The following TRPC5 variants were observed in gnomAD, a reference collection of about 807,000 sequenced individuals.
TRPC5 encodes the protein transient receptor potential cation channel subfamily C member 5, also known as short transient receptor potential channel 5.
TRPC5 carries 9 observed loss-of-function variants against 56.5 expected under a neutral mutation model. That is an observed-to-expected ratio of 0.16 (90% CI 0.10 to 0.28). TRPC5 has a LOEUF of 0.28. TRPC5 is among the 10% of genes least tolerant of loss of function. TRPC5 has a pLI of 1.00. For missense variants in TRPC5, 469 were observed against 748.9 expected, an observed-to-expected ratio of 0.63 and a Z score of 4.36; for synonymous variants, 282 against 278.5, an observed-to-expected ratio of 1.01 and a Z score of -0.13.
chrX:111,867,278 A>G (rs1001830670), intron 3 of TRPC5, among the ~76,000 whole-genome samples: 2 of 112,080 alleles, frequency 1.8e-5, no homozygotes, highest in Non-Finnish European at 1.9e-5. Flanking sequence ...AAAGGACAGA[A>G]TAAAGGACAG....
intron 1 of TRPC5, among the ~76,000 whole-genome samples, chrX:112,041,884 G>A (rs1185275300): frequency 1.8e-5 from 2 of 111,419 alleles, no homozygotes; most frequent in Non-Finnish European, 1.9e-5. Context: ...TATGAACGTG[G>A]CTCCTCTTAT....
intron 1 of TRPC5, among the ~76,000 whole-genome samples, chrX:111,955,708 T>C (rs1464770546): frequency 2.7e-5 from 3 of 111,824 alleles, no homozygotes; most frequent in African/African-American, 9.8e-5. Context: ...ATCCTTTCTC[T>C]GCATGCTTGC....
At chrX:112,001,362 T>C (rs779107483) in intron 1 of TRPC5, among the ~76,000 whole-genome samples, 1 of 112,301 alleles carries the variant, frequency 8.9e-6, no homozygotes, top group African/African-American at 3.2e-5. Context: ...GGTAATACCA[T>C]ACACACATAC....
At chrX:111,868,177 CA>C (rs1569526870) in intron 3 of TRPC5, among the ~76,000 whole-genome samples, 1 of 111,006 alleles carries the variant, frequency 9.0e-6, no homozygotes, top group African/African-American at 3.3e-5. Flanking sequence ...CTTGAGGAGG[CA>C]ATGAAAAAAA....
At chrX:111,811,598 G>T (rs369242082) in intron 7 of TRPC5, among the ~76,000 whole-genome samples, 1 of 111,518 alleles carries the variant, frequency 9.0e-6, no homozygotes, top group Admixed American at 9.5e-5. Context: ...GAGGTTTTGG[G>T]GGGGAGTCAA....
chrX:111,998,108 G>T (rs1435155231), intron 1 of TRPC5, among the ~76,000 whole-genome samples: 1 of 111,105 alleles, frequency 9.0e-6, no homozygotes, highest in African/African-American at 3.3e-5. Context: ...TTCTGCTCTG[G>T]TCTCTCCCCA....
intron 5 of TRPC5, among the ~76,000 whole-genome samples, chrX:111,848,081 T>C (rs1476252748): frequency 3.6e-5 from 4 of 111,814 alleles, no homozygotes; most frequent in Non-Finnish European, 7.5e-5. Context: ...ACCTTTCAGG[T>C]AATGAATTTA....
At chrX:112,046,900 A>T (rs759398839) in intron 1 of TRPC5, among the ~76,000 whole-genome samples, 1 of 111,215 alleles carries the variant, frequency 9.0e-6, no homozygotes, top group African/African-American at 3.3e-5. Flanking sequence ...TGTCTCACTT[A>T]TCCTGACCAC....
chrX:111,791,920 C>G (rs978640524), intron 7 of TRPC5, among the ~76,000 whole-genome samples: 2 of 112,045 alleles, frequency 1.8e-5, no homozygotes, highest in African/African-American at 6.5e-5. Context: ...GGATCTAGAA[C>G]CAGAAATACC....
intron 1 of TRPC5, among the ~76,000 whole-genome samples, chrX:111,992,825 ACTC>A (rs1186556271): frequency 9.3e-6 from 1 of 107,856 alleles, no homozygotes; most frequent in African/African-American, 3.4e-5. Context: ...CTTGTCTCAA[ACTC>A]CTGACCTCAA....
chrX:111,840,812 G>A (rs1922708577), intron 6 of TRPC5, among the ~76,000 whole-genome samples: 1 of 112,255 alleles, frequency 8.9e-6, no homozygotes, highest in Non-Finnish European at 1.9e-5. Context: ...AATAATAGCA[G>A]CTATTCTAAT....
rs772836400 is a variant in TRPC5, at chrX:111,801,366, C to T, written c.1897-19228G>A. Among the ~76,000 whole-genome samples the T allele has an allele frequency of 2.2e-4, 25 of 111,648 alleles. 1 individual carries two copies. The highest frequency in any genetic ancestry group is 1.3e-4 in the Non-Finnish European group (7 of 53,097). Reference sequence around the variant, plus strand: ...TAATTCTCCTATGAGTATTTGTGTACGAGTTTTTATGGAAGTATATGTTCT... The same window carrying T: ...TAATTCTCCTATGAGTATTTGTGTATGAGTTTTTATGGAAGTATATGTTCT... On this transcript the variant is annotated intron_variant, in intron 7 of 10. Transcript: ENST00000262839.
At chrX:111,949,247 A>G (rs776144014) in intron 2 of TRPC5, among the ~76,000 whole-genome samples, 51 of 112,317 alleles carry the variant, frequency 4.5e-4, no homozygotes, top group Non-Finnish European at 7.3e-4. Flanking sequence ...AGAAGATAAC[A>G]TTGGAAAAAC....
At chrX:111,901,645 C>T (rs940425401) in intron 3 of TRPC5, 15 of 330,405 alleles carry the variant, frequency 4.5e-5, no homozygotes, top group Middle Eastern at 8.2e-4. Context: ...ATTCTGTGCG[C>T]GGTTTACCAA....
intron 1 of TRPC5, among the ~76,000 whole-genome samples, chrX:112,080,645 C>A (rs1292448711): frequency 9.0e-6 from 1 of 111,605 alleles, no homozygotes; most frequent in African/African-American, 3.3e-5. Flanking sequence ...AATATATTAA[C>A]ATGCCTTTTG....
chrX:111,958,400 G>A (rs1927290331), intron 1 of TRPC5, among the ~76,000 whole-genome samples: 1 of 111,797 alleles, frequency 8.9e-6, no homozygotes, highest in African/African-American at 3.3e-5. Context: ...CAACCCAAAT[G>A]TAAACTCCAT....
intron 1 of TRPC5, among the ~76,000 whole-genome samples, chrX:111,962,303 G>A (rs1455737602): frequency 1.8e-5 from 2 of 112,202 alleles, no homozygotes. Context: ...ATGATCCAAA[G>A]TCCCTTCCCC....
At chrX:111,783,293 G>A (rs1274010748) in intron 7 of TRPC5, among the ~76,000 whole-genome samples, 3 of 111,786 alleles carry the variant, frequency 2.7e-5, no homozygotes, top group Non-Finnish European at 3.8e-5. Context: ...CTAAATATAC[G>A]TTTAATTTTT....
At chrX:111,835,538 C>T (rs761925148) in intron 6 of TRPC5, among the ~76,000 whole-genome samples, 52 of 111,852 alleles carry the variant, frequency 4.6e-4, no homozygotes, top group African/African-American at 1.6e-3. Flanking sequence ...CTTGTAATCC[C>T]AGCACTTTGG....
Sources: allele counts gnomAD v4.1 joint callset (sites outside exome capture counted in the v4.1 genomes callset), GRCh38; gene constraint gnomAD v4.1.1; transcripts MANE v1.5; gene names NCBI Gene and HGNC (gene_info 2026-07-23, HGNC 2026-07-21).